RALGAPA1: variants seen among roughly 807,000 people sequenced by gnomAD.
RALGAPA1 encodes Ral GTPase activating protein catalytic subunit alpha 1.
A neutral mutation model predicts 269.6 loss-of-function variants in RALGAPA1; 52 were observed. The ratio of observed to expected loss-of-function variants is 0.19; its 90% CI spans 0.15 to 0.24. The LOEUF (loss-of-function observed/expected upper bound fraction) is 0.24, where lower values mean the gene tolerates loss of function less well. Among genes scored for constraint, RALGAPA1 ranks in the 10% least tolerant of loss-of-function variants. RALGAPA1 has a pLI of 1.00. For missense variants in RALGAPA1, 1,917 were observed against 3,013.9 expected, an observed-to-expected ratio of 0.64 and a Z score of 8.52; for synonymous variants, 817 against 1,008.3, an observed-to-expected ratio of 0.81 and a Z score of 3.60.
intron 39 of RALGAPA1, among the ~76,000 whole-genome samples, chr14:35,551,362 A>G (rs2054986569): frequency 6.6e-6 from 1 of 152,154 alleles, no homozygotes; most frequent in South Asian, 2.1e-4. Context: ...CACTCTATGC[A>G]TGCTGGCACT....
intron 31 of RALGAPA1, among the ~76,000 whole-genome samples, chr14:35,639,893 T>G (rs1402131654): frequency 2.0e-5 from 3 of 151,032 alleles, no homozygotes; most frequent in Non-Finnish European, 4.4e-5. Context: ...GAGTCAAGAT[T>G]GCACCACTGC....
chr14:35,736,261 C>A (rs1014777552), intron 12 of RALGAPA1, among the ~76,000 whole-genome samples: 1 of 152,030 alleles, frequency 6.6e-6, no homozygotes, highest in Non-Finnish European at 1.5e-5. Flanking sequence ...GTAAATGAAA[C>A]AAGGAAGACT....
chr14:35,733,581 G>C (rs1462346770), intron 12 of RALGAPA1, among the ~76,000 whole-genome samples: 1 of 152,074 alleles, frequency 6.6e-6, no homozygotes, highest in African/African-American at 2.4e-5. Flanking sequence ...GTGGTGCTAA[G>C]AGGAAAGTTC....
In RALGAPA1 at chr14:35,799,379, T is replaced by A. The variant is rs149440464; in HGVS notation, c.106+9351A>T. 5.2e-3 allele frequency among the ~76,000 whole-genome samples: 791 copies of A among 152,056 alleles called. 10 individuals carry two copies. Among genetic ancestry groups the A allele is most frequent in the African/African-American group, 0.018 (738 of 41,472 alleles). ...AAGTTCGAGACCAGCCTGGCCAACA[T>A]GGGGAAACCCTGTCTCTACTAAAAA... is the stretch of plus-strand genomic sequence containing the variant. On this transcript the variant is annotated intron_variant, in intron 1 of 41. Coordinates refer to ENST00000680220, the MANE Select transcript of RALGAPA1 (RefSeq NM_001346249.2).
chr14:35,592,633 A>G, intron 37 of RALGAPA1, among the ~76,000 whole-genome samples: 1 of 152,198 alleles, frequency 6.6e-6, no homozygotes, highest in Non-Finnish European at 1.5e-5. Context: ...ATCCAACAAC[A>G]TATCAAAAAG....
At chr14:35,619,834 T>C (rs2060493756) in intron 35 of RALGAPA1, among the ~76,000 whole-genome samples, 1 of 152,052 alleles carries the variant, frequency 6.6e-6, no homozygotes, top group African/African-American at 2.4e-5. Context: ...AATAACAGGC[T>C]CTGAAATTAA....
intron 39 of RALGAPA1, among the ~76,000 whole-genome samples, chr14:35,552,688 A>G (rs1445633517): frequency 6.6e-6 from 1 of 151,152 alleles, no homozygotes; most frequent in Non-Finnish European, 1.5e-5. Flanking sequence ...ACTTTTAGCT[A>G]GTAGGAATCT....
At chr14:35,686,063 C>G (rs1206394856) in intron 19 of RALGAPA1, among the ~76,000 whole-genome samples, 1 of 151,864 alleles carries the variant, frequency 6.6e-6, no homozygotes, top group Non-Finnish European at 1.5e-5. Context: ...GCTAGCAAAA[C>G]TATGGGAGCT....
intron 31 of RALGAPA1, 147 bp from the exon 32 acceptor site, chr14:35,635,745 G>T (rs1371507246): frequency 1.7e-6 from 1 of 603,316 alleles, no homozygotes; most frequent in African/African-American, 1.9e-5. Flanking sequence ...AGATCTAACT[G>T]ATTTTAAGAT....
At chr14:35,638,703 T>A (rs1025855934) in intron 31 of RALGAPA1, among the ~76,000 whole-genome samples, 5 of 152,092 alleles carry the variant, frequency 3.3e-5, no homozygotes, top group African/African-American at 1.2e-4. Context: ...GGTAAGCAGA[T>A]CACCTGAGGT....
intron 39 of RALGAPA1, among the ~76,000 whole-genome samples, chr14:35,563,154 T>G (rs2056426928): frequency 6.6e-6 from 1 of 151,188 alleles, no homozygotes; most frequent in South Asian, 2.1e-4. Flanking sequence ...GGCACTGTGC[T>G]GGAAGTTAGT....
intron 28 of RALGAPA1, among the ~76,000 whole-genome samples, chr14:35,658,469 T>C (rs2063339844): frequency 6.6e-6 from 1 of 151,878 alleles, no homozygotes; most frequent in South Asian, 2.1e-4. Flanking sequence ...CACAGACCAA[T>C]ATTGTAGCAA....
chr14:35,693,424 C>T (rs1160627825), intron 17 of RALGAPA1, among the ~76,000 whole-genome samples: 1 of 151,624 alleles, frequency 6.6e-6, no homozygotes. Context: ...TTTAATTATG[C>T]TTCTTATATT....
At chr14:35,787,301 A>C (rs573208537) in intron 1 of RALGAPA1, among the ~76,000 whole-genome samples, 62 of 152,324 alleles carry the variant, frequency 4.1e-4, no homozygotes, top group African/African-American at 1.5e-3. Flanking sequence ...ATTTTTATTA[A>C]ACACATTTTA....
intron 37 of RALGAPA1, among the ~76,000 whole-genome samples, chr14:35,578,737 A>G (rs1049820131): frequency 2.6e-5 from 4 of 152,176 alleles, no homozygotes; most frequent in African/African-American, 9.7e-5. Context: ...CAGTTATGGC[A>G]TTTATTTAAA....
chr14:35,801,842 AACAAG>A (rs2076999546), intron 1 of RALGAPA1, among the ~76,000 whole-genome samples: 1 of 152,208 alleles, frequency 6.6e-6, no homozygotes, highest in South Asian at 2.1e-4. Flanking sequence ...TAAGATCAAG[AACAAG>A]ACAAGACTGC....
At chr14:35,793,259 C>A (rs1246808035) in intron 1 of RALGAPA1, among the ~76,000 whole-genome samples, 2 of 144,808 alleles carry the variant, frequency 1.4e-5, no homozygotes, top group South Asian at 2.2e-4. Context: ...TTTTTTGAGA[C>A]GGAATTTCAC....
chr14:35,775,280 T>C (rs1428879630), intron 2 of RALGAPA1, among the ~76,000 whole-genome samples: 1 of 152,142 alleles, frequency 6.6e-6, no homozygotes, highest in African/African-American at 2.4e-5. Context: ...AAACAAATCA[T>C]GATATATTAC....
intron 30 of RALGAPA1, among the ~76,000 whole-genome samples, chr14:35,652,145 A>G (rs1354420405): frequency 2.0e-5 from 3 of 152,192 alleles, no homozygotes; most frequent in Non-Finnish European, 4.4e-5. Context: ...AAGGGGGTAA[A>G]TCACTATGTA....
Sources: gnomAD v4.1 joint callset for allele counts (sites outside exome capture counted in the v4.1 genomes callset) on GRCh38, gnomAD v4.1.1 for gene constraint, MANE v1.5 for transcripts, NCBI Gene and HGNC (gene_info 2026-07-23, HGNC 2026-07-21) for gene names.